The following FAM216B variants were observed in gnomAD, a reference collection of about 807,000 sequenced individuals.
FAM216B encodes protein FAM216B.
In FAM216B, 11 loss-of-function variants were observed where a neutral mutation model predicts 12.9. The ratio of observed to expected loss-of-function variants is 0.86; its 90% CI spans 0.54 to 1.42. The LOEUF (loss-of-function observed/expected upper bound fraction) is 1.42. Ranked by LOEUF, FAM216B falls within the 40% of genes most tolerant of loss-of-function variation. The probability of loss-of-function intolerance (pLI) is 0.00; values close to 1 mark genes in which losing one functional copy is unlikely to be tolerated. For synonymous variants in FAM216B, 52 were observed against 57.2 expected (o/e 0.91, Z 0.41); for missense variants, 167 against 162.9 (o/e 1.02, Z -0.14).
chr13:42,784,052 A>T lies in FAM216B; in HGVS notation c.-14-2A>T, dbSNP rs764583008. The T allele has an allele frequency of 6.4e-7, 1 of 1,563,834 alleles. No individual in the cohort carries two copies. Among genetic ancestry groups the T allele is most frequent in the Admixed American group, 2.0e-5 (1 of 50,624 alleles). The stretch of plus-strand genomic sequence containing the variant: ...TATGCTATGCTTTGTTGTTTCTTGG[A>T]GGTATAGGATAAACGATGGGACAAA... On this transcript the variant is annotated splice_acceptor_variant, in intron 1 of 3. Coordinates refer to ENST00000313851, the MANE Select transcript of FAM216B (RefSeq NM_001318932.2). LOFTEE classifies it low-confidence loss of function (5UTR_SPLICE).
chr13:42,786,883 G>C lies in FAM216B; in HGVS notation c.220G>C (p.Gly74Arg). Reference protein sequence around the residue: ...IHSLQHQQLLGYITQREALSY... With the variant: ...IHSLQHQQLLRYITQREALSY... The stretch of plus-strand genomic sequence containing the variant: ...CAGCCTTCAGCACCAACAGCTGCTT[G>C]GTAAGTTTAACTACGTGATCCAAAC... The change falls in exon 3 of 4, where the codon GGC becomes CGC. Residue 74 changes from glycine to arginine, a missense_variant and splice_region_variant. Physicochemically the swap from Gly to Arg is moderately radical, Grantham distance 125 (BLOSUM62 -2). Coordinates refer to ENST00000313851, the MANE Select transcript of FAM216B (RefSeq NM_001318932.2). 6.2e-7 allele frequency: 1 copy of C among 1,613,622 alleles called. No homozygotes were observed. Among genetic ancestry groups the C allele is most frequent in the Middle Eastern group, 1.7e-4 (1 of 6,060 alleles).
At chr13:42,785,802 GT>G (rs11325138) in intron 2 of FAM216B, among the ~76,000 whole-genome samples, 44,217 of 151,708 alleles carry the variant, frequency 0.29, 6,602 homozygotes, top group African/African-American at 0.38. Context: ...AATCTGGTCA[GT>G]TAAGAGTATG....
At position 42,786,870 on chromosome 13, in the gene FAM216B, C is replaced by G; in HGVS notation, c.207C>G (p.His69Gln). The G allele has an allele frequency of 6.2e-7, 1 of 1,613,904 alleles. No individual in the cohort carries two copies. Among genetic ancestry groups the G allele is most frequent in the Non-Finnish European group, 8.5e-7 (1 of 1,179,858 alleles). The stretch of plus-strand genomic sequence containing the variant: ...CCCGCTACATTCACAGCCTTCAGCA[C>G]CAACAGCTGCTTGGTAAGTTTAACT... The part of the protein sequence containing the change: ...LQTRYIHSLQ[H>Q]QQLLGYITQR... Residue 69 changes from histidine (H) to glutamine (Q), a missense_variant, in exon 3 of 4, where the codon CAC (histidine) becomes CAG (glutamine). Coordinates refer to ENST00000313851, the MANE Select transcript of FAM216B (RefSeq NM_001318932.2).
chr13:42,789,134 C>T lies in FAM216B; in HGVS notation c.*344C>T, dbSNP rs937750362. On this transcript the variant is annotated 3_prime_UTR_variant, in exon 4 of 4. Coordinates refer to ENST00000313851, the MANE Select transcript of FAM216B (RefSeq NM_001318932.2). ...GGCCAGGTCCTCTGTCACTGGGTGA[C>T]CATTTCTAGCAAACTATCATGTATA... The T allele has an allele frequency of 3.3e-5, 6 of 182,494 alleles. No individual in the cohort carries two copies. The East Asian group carries it at 6.6e-4, about 20-fold the overall frequency. The allele number at this position is 182,494 out of a possible 1,614,324, so 11.3% of individuals were successfully genotyped here.
At chr13:42,785,094 T>A (rs533114928) in intron 2 of FAM216B, among the ~76,000 whole-genome samples, 6 of 152,324 alleles carry the variant, frequency 3.9e-5, no homozygotes, top group Admixed American at 3.9e-4. Context: ...TGGCTTACAA[T>A]TTTCATATTA....
At chr13:42,784,829 G>A (rs1036988080) in intron 2 of FAM216B, among the ~76,000 whole-genome samples, 10 of 144,044 alleles carry the variant, frequency 6.9e-5, no homozygotes, top group African/African-American at 2.6e-4. Flanking sequence ...GCAAGACTCC[G>A]TCTCAAAAAA....
chr13:42,786,690 T>A, intron 2 of FAM216B, 73 bp from the exon 3 acceptor site: 1 of 1,493,302 alleles, frequency 6.7e-7, no homozygotes, highest in Non-Finnish European at 8.9e-7. Flanking sequence ...CATAAAAGTT[T>A]GCTTTGAGTA....
chr13:42,784,173 C>CTTTTTTTTTTT lies in FAM216B; in HGVS notation c.99+17_99+27dup, dbSNP rs71202236. ...TGACACTTCCTTACTAAAGGTATGG[C>CTTTTTTTTTTT]TTTTTTTTTTTTTTTTTTTTCACAG... is the stretch of plus-strand genomic sequence containing the variant. On this transcript the variant is annotated splice_region_variant and intron_variant, in intron 2 of 3. Coordinates refer to ENST00000313851, the MANE Select transcript of FAM216B (RefSeq NM_001318932.2). 17 of 752,772 alleles carry CTTTTTTTTTTT rather than the reference C, an allele frequency of 2.3e-5. No homozygotes were observed. The highest frequency in any genetic ancestry group is 1.4e-4 in the African/African-American group (5 of 35,914). 46.6% of individuals were successfully genotyped at this position (752,772 alleles called of 1,614,324 possible).
rs1319952088 is a variant in FAM216B at position 42,786,884 on chromosome 13, G to T, written c.220+1G>T. The T allele has an allele frequency of 7.4e-6, 12 of 1,613,568 alleles. No homozygotes were observed. The East Asian group carries it at 2.7e-4, about 36-fold the overall frequency. On this transcript the variant is annotated splice_donor_variant, in intron 3 of 3. Coordinates refer to ENST00000313851, the MANE Select transcript of FAM216B (RefSeq NM_001318932.2). LOFTEE classifies it high-confidence loss of function. ...AGCCTTCAGCACCAACAGCTGCTTG[G>T]TAAGTTTAACTACGTGATCCAAACT...
At position 42,784,789 on chromosome 13, in the gene FAM216B, G is replaced by A. The variant is rs554297221; in HGVS notation, c.99+623G>A. Among the ~76,000 whole-genome samples, 9 of 151,274 alleles carry A rather than the reference G, an allele frequency of 5.9e-5. No homozygotes were observed. In the South Asian group the frequency reaches 1.3e-3, roughly 21 times the overall value. ...GCAGAGGTTGCAGTGAGCCGAGATC[G>A]CGCCACTGCACTCCAGGCTGGGTGA... On this transcript the variant is annotated intron_variant, in intron 2 of 3. Transcript: ENST00000313851.
intron 3 of FAM216B, among the ~76,000 whole-genome samples, chr13:42,787,638 C>T (rs571667794): frequency 2.0e-5 from 3 of 152,286 alleles, no homozygotes; most frequent in East Asian, 1.9e-4. Context: ...TTCATCATAC[C>T]GTTCTCCTAA....
chr13:42,787,571 G>A (rs1280904133), intron 3 of FAM216B, among the ~76,000 whole-genome samples: 1 of 152,142 alleles, frequency 6.6e-6, no homozygotes, highest in Admixed American at 6.6e-5. Context: ...TTACCGAAAG[G>A]CTAATTGTTG....
intron 3 of FAM216B, 130 bp from the exon 4 acceptor site, chr13:42,788,461 T>C (rs1390944363): frequency 3.1e-6 from 2 of 642,064 alleles, no homozygotes; most frequent in African/African-American, 1.8e-5. Context: ...TCAAAGATCA[T>C]ATAATCTGGG....
intron 3 of FAM216B, among the ~76,000 whole-genome samples, chr13:42,787,391 C>T (rs1287049493): frequency 6.6e-6 from 1 of 152,038 alleles, no homozygotes; most frequent in Non-Finnish European, 1.5e-5. Flanking sequence ...AGATCACACA[C>T]AGGTAATAAA....
intron 1 of FAM216B, among the ~76,000 whole-genome samples, chr13:42,782,380 C>T (rs959648690): frequency 1.3e-5 from 2 of 152,164 alleles, no homozygotes; most frequent in African/African-American, 4.8e-5. Flanking sequence ...GGCATTGTAA[C>T]TGCTGTCTTA....
intron 1 of FAM216B, among the ~76,000 whole-genome samples, chr13:42,783,257 A>G (rs1197120455): frequency 6.6e-6 from 1 of 152,226 alleles, no homozygotes; most frequent in Admixed American, 6.5e-5. Context: ...GCGGTGAGCT[A>G]TAGTCGCACC....
rs1874303488 is a variant in FAM216B at position 42,791,227 on chromosome 13, T to A, written c.*2437T>A. The A allele has an allele frequency of 6.6e-6, 1 of 152,234 alleles. No homozygotes were observed. Among genetic ancestry groups the A allele is most frequent in the Non-Finnish European group, 1.5e-5 (1 of 68,042 alleles). 9.4% of individuals were successfully genotyped at this position (152,234 alleles called of 1,614,324 possible). On this transcript the variant is annotated 3_prime_UTR_variant, in exon 4 of 4. Transcript: ENST00000313851. ...ACTGTTGAGTTTTAAATAATACATA[T>A]ATGTAAGCTTCAAAGTAGCACATTT... is the stretch of plus-strand genomic sequence containing the variant.
In FAM216B at chr13:42,786,898, G is replaced by A. The variant is rs17063717; in HGVS notation, c.220+15G>A. On this transcript the variant is annotated intron_variant, in intron 3 of 3. Coordinates refer to ENST00000313851, the MANE Select transcript of FAM216B (RefSeq NM_001318932.2). ...ACAGCTGCTTGGTAAGTTTAACTAC[G>A]TGATCCAAACTAAGCACCTAAGGAA... is the stretch of plus-strand genomic sequence containing the variant. The A allele has an allele frequency of 4.3e-3, 7,000 of 1,613,136 alleles. 253 individuals carry two copies. In the African/African-American group the frequency reaches 0.084, roughly 19 times the overall value.
intron 2 of FAM216B, 72 bp downstream of exon 2, chr13:42,784,238 CT>C: frequency 1.9e-6 from 2 of 1,033,062 alleles, no homozygotes; most frequent in South Asian, 1.7e-5. Context: ...GGTTTGAGGA[CT>C]TTTTCTGCTG....
Sources: allele counts gnomAD v4.1 joint callset (sites outside exome capture counted in the v4.1 genomes callset), GRCh38; gene constraint gnomAD v4.1.1; transcripts MANE v1.5; gene names NCBI Gene and HGNC (gene_info 2026-07-23, HGNC 2026-07-21).